The following OBI1 variants were observed in gnomAD, a reference collection of about 807,000 sequenced individuals.
OBI1 encodes ORC ubiquitin ligase 1, also known as ring finger protein 219.
In OBI1, 59 loss-of-function variants were observed where a neutral mutation model predicts 62.4. The observed-to-expected ratio is 0.95, with a 90% CI of 0.77 to 1.17. OBI1 has a LOEUF of 1.17. OBI1 is among the 50% of genes most tolerant of loss of function. OBI1 has a pLI of 0.00. For missense variants in OBI1, 875 were observed against 830.9 expected, an observed-to-expected ratio of 1.05 and a Z score of -0.65; for synonymous variants, 302 against 292.8, an observed-to-expected ratio of 1.03 and a Z score of -0.32.
intron 2 of OBI1, among the ~76,000 whole-genome samples, chr13:78,644,546 G>A (rs996511701): frequency 5.9e-5 from 9 of 151,964 alleles, no homozygotes; most frequent in African/African-American, 1.4e-4. Context: ...AGCCCTTCTC[G>A]GTGTTCTTAG....
chr13:78,625,460 G>A (rs1296333568), intron 5 of OBI1, among the ~76,000 whole-genome samples: 1 of 152,148 alleles, frequency 6.6e-6, no homozygotes, highest in Non-Finnish European at 1.5e-5. Flanking sequence ...TTACTCAGAT[G>A]ACAGTTATTG....
intron 1 of OBI1, among the ~76,000 whole-genome samples, chr13:78,647,303 G>C (rs1876414794): frequency 6.6e-6 from 1 of 152,206 alleles, no homozygotes; most frequent in Admixed American, 6.5e-5. Flanking sequence ...GCCTGCCCCG[G>C]GAATGGAATG....
chr13:78,649,503 G>A (rs1270258817), intron 1 of OBI1, among the ~76,000 whole-genome samples: 1 of 152,202 alleles, frequency 6.6e-6, no homozygotes, highest in Non-Finnish European at 1.5e-5. Context: ...GCGAATGTTG[G>A]GGATGGAAAC....
intron 1 of OBI1, among the ~76,000 whole-genome samples, chr13:78,652,698 A>G (rs748782289): frequency 6.6e-6 from 1 of 152,198 alleles, no homozygotes; most frequent in Non-Finnish European, 1.5e-5. Context: ...GGAGCACACA[A>G]TCTAGATCCC....
chr13:78,633,891 C>T (rs1391481080), intron 5 of OBI1, among the ~76,000 whole-genome samples: 1 of 151,790 alleles, frequency 6.6e-6, no homozygotes, highest in Non-Finnish European at 1.5e-5. Flanking sequence ...CACGGTGAAA[C>T]CCCGTCTCTA....
chr13:78,631,976 C>T (rs1192616303), intron 5 of OBI1, among the ~76,000 whole-genome samples: 3 of 152,060 alleles, frequency 2.0e-5, no homozygotes, highest in Admixed American at 2.0e-4. Flanking sequence ...CTCCTTTGTT[C>T]GTACCAGATT....
At chr13:78,623,808 T>C (rs1308027913) in intron 5 of OBI1, among the ~76,000 whole-genome samples, 3 of 152,224 alleles carry the variant, frequency 2.0e-5, no homozygotes, top group Admixed American at 2.0e-4. Context: ...ATAGTATGTA[T>C]GCACAAATTC....
At chr13:78,650,602 T>A (rs1259899535) in intron 1 of OBI1, among the ~76,000 whole-genome samples, 1 of 152,196 alleles carries the variant, frequency 6.6e-6, no homozygotes, top group African/African-American at 2.4e-5. Flanking sequence ...TATTGAGCAG[T>A]CTGACCTTGG....
At position 78,639,120 on chromosome 13, in the gene OBI1, T is replaced by C. The variant is rs780140907; in HGVS notation, c.301-49A>G. ...GAGGCAGGCATAGACACTAAACACA[T>C]ACATACATATGCTAAACTGAAGCCA... On this transcript the variant is annotated intron_variant, in intron 3 of 5. Coordinates refer to ENST00000282003, the MANE Select transcript of OBI1 (RefSeq NM_024546.4). The C allele has an allele frequency of 3.2e-6, 5 of 1,550,786 alleles. No individual in the cohort carries two copies. In the Admixed American group the frequency reaches 6.0e-5, roughly 18 times the overall value.
At chr13:78,630,542 A>G (rs1195389363) in intron 5 of OBI1, among the ~76,000 whole-genome samples, 1 of 152,116 alleles carries the variant, frequency 6.6e-6, no homozygotes. Flanking sequence ...GGGCAGGGCC[A>G]ATAGGAGGTG....
At chr13:78,643,242 G>A (rs1876272869) in intron 2 of OBI1, among the ~76,000 whole-genome samples, 1 of 152,074 alleles carries the variant, frequency 6.6e-6, no homozygotes, top group Non-Finnish European at 1.5e-5. Flanking sequence ...AGAAAAGCTG[G>A]GGGAAAATAT....
chr13:78,622,105 G>A (rs1875529917), intron 5 of OBI1, among the ~76,000 whole-genome samples: 1 of 152,094 alleles, frequency 6.6e-6, no homozygotes. Flanking sequence ...TAAATGTTTT[G>A]ACAAAGTTGC....
chr13:78,615,921 GA>G lies in OBI1; in HGVS notation c.1839del (p.Leu614SerfsTer9), dbSNP rs1320199922. 3 of 1,612,244 alleles carry G rather than the reference GA, an allele frequency of 1.9e-6. No homozygotes were observed. The highest frequency in any genetic ancestry group is 2.2e-5 in the East Asian group (1 of 44,880). On this transcript the variant is annotated frameshift_variant, in exon 6 of 6. Transcript: ENST00000282003. LOFTEE classifies it high-confidence loss of function. Reference protein sequence around the residue: ...NGSEWKPTSFFLLSPSDQEMN... With the variant: ...NGSEWKPTSFXLLSPSDQEMN... ...ATTTCTTGGTCAGATGGAGAGAGGAGAAAAAAAGAAGTGGGTTTCCATTCAC... is the reference window on the plus strand; with the variant it reads ...ATTTCTTGGTCAGATGGAGAGAGGAGAAAAAAGAAGTGGGTTTCCATTCAC...
At chr13:78,653,348 G>A (rs1447346222) in intron 1 of OBI1, among the ~76,000 whole-genome samples, 1 of 152,144 alleles carries the variant, frequency 6.6e-6, no homozygotes, top group Non-Finnish European at 1.5e-5. Context: ...CCATGTCCCT[G>A]GGGGACAAAA....
chr13:78,637,531 C>T (rs751497767), intron 4 of OBI1, among the ~76,000 whole-genome samples: 2 of 152,134 alleles, frequency 1.3e-5, no homozygotes, highest in African/African-American at 2.4e-5. Flanking sequence ...AAACTTTAAA[C>T]GAAGTTTAAT....
At chr13:78,632,216 C>A (rs1452837523) in intron 5 of OBI1, among the ~76,000 whole-genome samples, 4 of 151,984 alleles carry the variant, frequency 2.6e-5, no homozygotes, top group Non-Finnish European at 5.9e-5. Flanking sequence ...TCTCTCTCTC[C>A]CCCAACCATA....
chr13:78,626,434 A>G (rs1875668343), intron 5 of OBI1, among the ~76,000 whole-genome samples: 1 of 152,244 alleles, frequency 6.6e-6, no homozygotes, highest in African/African-American at 2.4e-5. Context: ...TACGACAGTC[A>G]TGGAAATGAT....
chr13:78,658,969 C>CCCCGCA, intron 1 of OBI1, 80 bp downstream of exon 1: 1 of 1,322,068 alleles, frequency 7.6e-7, no homozygotes, highest in Non-Finnish European at 1.1e-6. Flanking sequence ...CCTTCCCCGC[C>CCCCGCA]CCCGCACGAG....
chr13:78,636,171 C>G lies in OBI1; in HGVS notation c.550-973G>C, dbSNP rs955208734. Among the ~76,000 whole-genome samples, 22 of 152,206 alleles carry G rather than the reference C, an allele frequency of 1.4e-4. No homozygotes were observed. In the Middle Eastern group the frequency reaches 0.01, roughly 71 times the overall value. On this transcript the variant is annotated intron_variant, in intron 4 of 5. Transcript: ENST00000282003. ...TGTATAACACCTAAAAATTACCTAA[C>G]AGGACACCAATTGCTAGAAAATCTA...
Sources: allele counts gnomAD v4.1 joint callset (sites outside exome capture counted in the v4.1 genomes callset), GRCh38; gene constraint gnomAD v4.1.1; transcripts MANE v1.5; gene names NCBI Gene and HGNC (gene_info 2026-07-23, HGNC 2026-07-21).